ZNF790: variants seen among roughly 807,000 people sequenced by gnomAD.
The protein encoded by ZNF790 is zinc finger protein 790.
Under a neutral mutation model 12.1 loss-of-function variants are expected in ZNF790, and 8 were observed. The ratio of observed to expected loss-of-function variants is 0.66; its 90% CI spans 0.39 to 1.19. ZNF790 has a LOEUF of 1.19. ZNF790 is among the 50% of genes most tolerant of loss of function. The pLI is 0.01. For synonymous variants in ZNF790, 252 were observed against 244.3 expected (o/e 1.03, Z -0.29); for missense variants, 707 against 752.2 (o/e 0.94, Z 0.70).
intron 2 of ZNF790, 97 bp downstream of exon 2, chr19:36,825,514 G>C: frequency 8.1e-7 from 1 of 1,234,736 alleles, no homozygotes; most frequent in Non-Finnish European, 1.2e-6. Context: ...ACACTCAATA[G>C]TGATTCAGGT....
rs141496805 is a variant in ZNF790, at chr19:36,819,631, C to T, written c.713G>A (p.Arg238His). The change falls in exon 5 of 5, where the codon CGT (arginine) becomes CAT (histidine). Residue 238 changes from arginine to histidine, a missense_variant. Arg to His is a conservative substitution (Grantham distance 29, BLOSUM62 0). Coordinates refer to ENST00000356725, the MANE Select transcript of ZNF790 (RefSeq NM_206894.4). ...TCTCTTATGACCAGTAAGACTCGAACGTAAACTAAAAGACTTCCCACATTC... is the reference window on the plus strand; with the variant it reads ...TCTCTTATGACCAGTAAGACTCGAATGTAAACTAAAAGACTTCCCACATTC... ...CKECGKSFSL[R>H]SSLTGHKRIH... The T allele has an allele frequency of 1.1e-4, 172 of 1,606,648 alleles. No individual in the cohort carries two copies. Among genetic ancestry groups the T allele is most frequent in the Middle Eastern group, 1.7e-4 (1 of 6,022 alleles).
intron 1 of ZNF790, among the ~76,000 whole-genome samples, chr19:36,843,527 T>A (rs1025730830): frequency 6.6e-6 from 1 of 152,110 alleles, no homozygotes; most frequent in Non-Finnish European, 1.5e-5. Context: ...GAGCCCTGAC[T>A]CAACTCAATC....
chr19:36,826,838 T>A (rs1327683637), intron 1 of ZNF790, among the ~76,000 whole-genome samples: 1 of 149,990 alleles, frequency 6.7e-6, no homozygotes, highest in Non-Finnish European at 1.5e-5. Flanking sequence ...CAAAACTAGT[T>A]TTTAACAGAA....
chr19:36,826,502 G>A (rs2146038935), intron 1 of ZNF790, among the ~76,000 whole-genome samples: 1 of 151,224 alleles, frequency 6.6e-6, no homozygotes, highest in African/African-American at 2.4e-5. Context: ...AGAATCGCTT[G>A]AACCCAGGAG....
In ZNF790 at chr19:36,819,910, C is replaced by T; in HGVS notation, c.434G>A (p.Cys145Tyr). The T allele has an allele frequency of 6.2e-7, 1 of 1,614,120 alleles. No homozygotes were observed. Among genetic ancestry groups the T allele is most frequent in the Non-Finnish European group, 8.5e-7 (1 of 1,180,022 alleles). ...EECFKQVIRT[C>Y]EKRPTFNQHT... ...CTGGTTAAAAGTGGGCCTTTTTTCA[C>T]AGGTGCGTATCACCTGCTTGAAGCA... is the stretch of plus-strand genomic sequence containing the variant. The change falls in exon 5 of 5, where the codon TGT becomes TAT. Residue 145 changes from cysteine (C) to tyrosine (Y), a missense_variant. Cys to Tyr is a radical substitution (Grantham distance 194, BLOSUM62 -2). Transcript: ENST00000356725.
rs1451691830 is a variant in ZNF790, at chr19:36,819,743, T to G, written c.601A>C (p.Lys201Gln). 6.2e-7 allele frequency: 1 copy of G among 1,613,844 alleles called. No homozygotes were observed. The highest frequency in any genetic ancestry group is 1.1e-5 in the South Asian group (1 of 91,060). ...GGAAGAAAGGTATTCCCACATTCTT[T>G]ATCTCCACAGAATTTCTCACTTGTG... is the stretch of plus-strand genomic sequence containing the variant. ...IHTSEKFCGDKECGNTFLPDS... is the reference protein window; with the variant it reads ...IHTSEKFCGDQECGNTFLPDS... The change falls in exon 5 of 5, where the codon AAA (lysine) becomes CAA (glutamine). Residue 201 changes from lysine (K) to glutamine (Q), a missense_variant. By Grantham distance (53) the Lys-to-Gln change is moderately conservative (BLOSUM62 1). Transcript: ENST00000356725.
At chr19:36,831,701 C>T (rs1045273845) in intron 1 of ZNF790, among the ~76,000 whole-genome samples, 20 of 152,074 alleles carry the variant, frequency 1.3e-4, no homozygotes, top group African/African-American at 3.9e-4. Flanking sequence ...ATATGCAAAA[C>T]GCAGAGCACC....
chr19:36,829,219 T>G (rs1410925935), intron 1 of ZNF790, among the ~76,000 whole-genome samples: 1 of 152,232 alleles, frequency 6.6e-6, no homozygotes, highest in Non-Finnish European at 1.5e-5. Flanking sequence ...CCACAGTCAA[T>G]GTTAGAATAT....
Position 36,819,068 on chromosome 19 carries a change from G to GCTTA in ZNF790, c.1272_1275dup (p.Gln426Ter). The GCTTA allele has an allele frequency of 6.2e-7, 1 of 1,613,946 alleles. No homozygotes were observed. Among genetic ancestry groups the GCTTA allele is most frequent in the East Asian group, 2.2e-5 (1 of 44,850 alleles). On this transcript the variant is annotated stop_gained and frameshift_variant, in exon 5 of 5. Coordinates refer to ENST00000356725, the MANE Select transcript of ZNF790 (RefSeq NM_206894.4). LOFTEE classifies it low-confidence loss of function (END_TRUNC). ...GCCCAAGTAAAAGTCTTCCCGCATTGCTTACATTCATAAGGTTTCCTGCCA... is the reference window on the plus strand; with the variant it reads ...GCCCAAGTAAAAGTCTTCCCGCATTGCTTACTTACATTCATAAGGTTTCCTGCCA...
intron 4 of ZNF790, 35 bp from the exon 5 acceptor site, chr19:36,820,149 G>A (rs942896388): frequency 2.5e-5 from 39 of 1,564,088 alleles, no homozygotes; most frequent in Non-Finnish European, 3.2e-5. Flanking sequence ...TCATACGGTT[G>A]TATGTACAAA....
At chr19:36,848,745 T>A (rs1600677925) in intron 1 of ZNF790, among the ~76,000 whole-genome samples, 1 of 151,670 alleles carries the variant, frequency 6.6e-6, no homozygotes, top group African/African-American at 2.4e-5. Context: ...CATACAGAGA[T>A]GGGGGTTGGG....
upstream of ZNF790, among the ~76,000 whole-genome samples, chr19:36,840,526 C>A (rs534609438): frequency 3.9e-4 from 59 of 152,224 alleles, no homozygotes; most frequent in African/African-American, 1.4e-3. Flanking sequence ...GGGGGCTGGT[C>A]ACATAGGCAG....
intron 1 of ZNF790, among the ~76,000 whole-genome samples, chr19:36,828,623 A>G (rs1189938038): frequency 6.6e-6 from 1 of 152,142 alleles, no homozygotes; most frequent in East Asian, 1.9e-4. Context: ...GACTACAGGA[A>G]TGCACCACTG....
At chr19:36,834,515 C>T (rs2146073682) in intron 1 of ZNF790, among the ~76,000 whole-genome samples, 1 of 152,270 alleles carries the variant, frequency 6.6e-6, no homozygotes, top group East Asian at 1.9e-4. Flanking sequence ...AATGCAATAC[C>T]ACTACATATC....
intron 1 of ZNF790, among the ~76,000 whole-genome samples, chr19:36,847,749 CAA>C (rs71842818): frequency 1.4e-4 from 15 of 110,554 alleles, no homozygotes; most frequent in African/African-American, 1.8e-4. Context: ...GACTCTGTCT[CAA>C]AAAAAAAAAA....
At position 36,823,708 on chromosome 19, in the gene ZNF790, C is replaced by G. The variant is rs2071727320; in HGVS notation, c.92G>C (p.Arg31Thr). Residue 31 changes from arginine (R) to threonine (T), a missense_variant, in exon 3 of 5, where the codon AGA becomes ACA. Transcript: ENST00000356725. ...CLDLEQRDLY[R>T]DVMLENYSNM... ...GCTGTAGTTCTCCAACATCACATCTCTATATAAATCCCTCTGTTCCAGGTC... is the reference window on the plus strand; with the variant it reads ...GCTGTAGTTCTCCAACATCACATCTGTATATAAATCCCTCTGTTCCAGGTC... 1 of 1,613,132 alleles carries G rather than the reference C, an allele frequency of 6.2e-7. No homozygotes were observed. The highest frequency in any genetic ancestry group is 2.2e-5 in the East Asian group (1 of 44,872).
upstream of ZNF790, among the ~76,000 whole-genome samples, chr19:36,840,462 AG>A (rs2072120867): frequency 1.3e-5 from 2 of 152,308 alleles, no homozygotes; most frequent in South Asian, 4.1e-4. Context: ...AATACATGTG[AG>A]ATGTTACCAA....
At chr19:36,833,331 C>CA (rs1446891209) in intron 1 of ZNF790, among the ~76,000 whole-genome samples, 1 of 152,160 alleles carries the variant, frequency 6.6e-6, no homozygotes, top group Non-Finnish European at 1.5e-5. Context: ...TTAGTAGAGA[C>CA]AGAGTTTCAC....
intron 1 of ZNF790, among the ~76,000 whole-genome samples, chr19:36,834,243 CAAAAAAA>C (rs751627349): frequency 2.3e-4 from 8 of 34,886 alleles, no homozygotes; most frequent in Admixed American, 5.6e-4. Flanking sequence ...AACTCCATCT[CAAAAAAA>C]AAAAAAAAAA....
Sources: gnomAD v4.1 joint callset for allele counts (sites outside exome capture counted in the v4.1 genomes callset) on GRCh38, gnomAD v4.1.1 for gene constraint, MANE v1.5 for transcripts, NCBI Gene and HGNC (gene_info 2026-07-23, HGNC 2026-07-21) for gene names.